Variants in ACOXL observed in about 807,000 individuals in gnomAD.
ACOXL encodes the protein acyl-coenzyme A oxidase-like protein.
Under a neutral mutation model 71.9 loss-of-function variants are expected in ACOXL, and 70 were observed. The ratio of observed to expected loss-of-function variants is 0.97; its 90% CI spans 0.80 to 1.19. ACOXL has a LOEUF of 1.19. Ranked by LOEUF, ACOXL falls within the 50% of genes most tolerant of loss-of-function variation. ACOXL has a pLI of 0.00. For missense variants in ACOXL, 703 were observed against 736.3 expected (o/e 0.95, Z 0.52); for synonymous variants, 253 against 281.6 (o/e 0.90, Z 1.02).
chr2:111,022,353 G>A lies in ACOXL; in HGVS notation c.1282-9274G>A, dbSNP rs144232821. Among the ~76,000 whole-genome samples, 373 of 151,708 alleles carry A rather than the reference G, an allele frequency of 2.5e-3. 7 individuals are homozygous for A. The East Asian group carries it at 0.047, about 19-fold the overall frequency. The stretch of plus-strand genomic sequence containing the variant: ...GCACTCCAGCCTAGGTGACAAGAGC[G>A]AAACTCCATATCAAAAAAAAGAAAA... On this transcript the variant is annotated intron_variant, in intron 14 of 17. Coordinates refer to ENST00000439055, the MANE Select transcript of ACOXL (RefSeq NM_001142807.4).
intron 2 of ACOXL, among the ~76,000 whole-genome samples, chr2:110,781,435 T>C (rs1347466980): frequency 6.7e-6 from 1 of 148,884 alleles, no homozygotes; most frequent in African/African-American, 2.5e-5. Context: ...AGGTCAGGAG[T>C]TTGAGACCAG....
At position 110,753,551 on chromosome 2, in the gene ACOXL, G is replaced by A. The variant is rs141643651; in HGVS notation, c.-22-14817G>A. On this transcript the variant is annotated intron_variant, in intron 1 of 17. Transcript: ENST00000439055. ...AATATATGTCATTTATTGTGTATCAGCAGTATGTTCCTTTTTATTGCTAAG... is the reference window on the plus strand; with the variant it reads ...AATATATGTCATTTATTGTGTATCAACAGTATGTTCCTTTTTATTGCTAAG... Among the ~76,000 whole-genome samples, 500 of 152,304 alleles carry A rather than the reference G, an allele frequency of 3.3e-3. 6 individuals are homozygous for A. The highest frequency in any genetic ancestry group is 0.011 in the African/African-American group (474 of 41,562).
intron 11 of ACOXL, among the ~76,000 whole-genome samples, chr2:110,919,573 T>A (rs2059990983): frequency 6.6e-6 from 1 of 150,910 alleles, no homozygotes; most frequent in African/African-American, 2.5e-5. Flanking sequence ...AAAATAAAAA[T>A]CACACTTTGT....
At chr2:110,798,769 A>G (rs181681814) in intron 6 of ACOXL, 45 bp downstream of exon 6, 14 of 1,551,668 alleles carry the variant, frequency 9.0e-6, no homozygotes, top group Non-Finnish European at 1.2e-5. Flanking sequence ...CTTCATTAGT[A>G]CTATTTACCA....
intron 14 of ACOXL, among the ~76,000 whole-genome samples, chr2:111,022,601 T>C (rs546466071): frequency 1.9e-4 from 29 of 152,198 alleles, no homozygotes; most frequent in African/African-American, 7.0e-4. Context: ...CAATGGCATC[T>C]GGAGGTGCTT....
intron 10 of ACOXL, among the ~76,000 whole-genome samples, chr2:110,906,233 A>T (rs1420559711): frequency 6.6e-6 from 1 of 152,030 alleles, no homozygotes; most frequent in Non-Finnish European, 1.5e-5. Flanking sequence ...TTTTGATGAG[A>T]TGCTGTTTAA....
At chr2:111,001,416 A>AC (rs58007048) in intron 14 of ACOXL, among the ~76,000 whole-genome samples, 6 of 148,064 alleles carry the variant, frequency 4.1e-5, no homozygotes, top group South Asian at 4.3e-4. Context: ...ACAAAACAAA[A>AC]AAACCCTAGC....
chr2:110,765,384 C>CT (rs1011188177), intron 1 of ACOXL, among the ~76,000 whole-genome samples: 56 of 151,862 alleles, frequency 3.7e-4, no homozygotes, highest in Non-Finnish European at 2.9e-4. Context: ...TCCAGTCTCT[C>CT]TTTTTTTTGC....
At chr2:111,054,804 T>G (rs1574620214) in intron 16 of ACOXL, among the ~76,000 whole-genome samples, 1 of 152,304 alleles carries the variant, frequency 6.6e-6, no homozygotes, top group East Asian at 1.9e-4. Context: ...TCCTCCATGC[T>G]TACTGAATAC....
chr2:111,056,874 C>T (rs534351309), intron 16 of ACOXL, among the ~76,000 whole-genome samples: 6 of 151,928 alleles, frequency 3.9e-5, no homozygotes, highest in East Asian at 3.9e-4. Flanking sequence ...GCTTTCTGGA[C>T]GCAGCTGGCA....
chr2:110,794,706 C>T (rs531164125), intron 5 of ACOXL, among the ~76,000 whole-genome samples: 4 of 152,340 alleles, frequency 2.6e-5, no homozygotes, highest in African/African-American at 9.6e-5. Context: ...TCTGACTCTT[C>T]TACCTTTACT....
chr2:110,855,568 T>C (rs17465162), intron 10 of ACOXL, among the ~76,000 whole-genome samples: 43,598 of 152,212 alleles, frequency 0.29, 6,650 homozygotes, highest in Non-Finnish European at 0.33. Context: ...TAAAAATATA[T>C]GATATGTACT....
chr2:111,018,131 C>T (rs1461840239), intron 14 of ACOXL: 4 of 152,172 alleles, frequency 2.6e-5, no homozygotes, highest in Non-Finnish European at 5.9e-5. Flanking sequence ...AAAAATGCTG[C>T]TTACCAGTTC....
At chr2:111,014,291 C>T (rs1490560414) in intron 14 of ACOXL, among the ~76,000 whole-genome samples, 2 of 152,162 alleles carry the variant, frequency 1.3e-5, no homozygotes, top group South Asian at 2.1e-4. Flanking sequence ...AACAGGGCTA[C>T]AGGACACAAA....
At chr2:111,040,838 G>A (rs1444578225) in intron 15 of ACOXL, among the ~76,000 whole-genome samples, 2 of 152,122 alleles carry the variant, frequency 1.3e-5, no homozygotes, top group South Asian at 2.1e-4. Context: ...GGGGTGTAGG[G>A]CCAATGTGAG....
At chr2:110,985,081 G>T (rs2062870060) in intron 12 of ACOXL, among the ~76,000 whole-genome samples, 1 of 152,170 alleles carries the variant, frequency 6.6e-6, no homozygotes, top group African/African-American at 2.4e-5. Context: ...GTGAGATAGA[G>T]TTACAGCCAT....
intron 16 of ACOXL, among the ~76,000 whole-genome samples, chr2:111,057,125 G>A (rs1421612541): frequency 6.6e-6 from 1 of 152,228 alleles, no homozygotes; most frequent in Non-Finnish European, 1.5e-5. Flanking sequence ...AGACTCCCCT[G>A]AGGAGGTGAT....
intron 10 of ACOXL, among the ~76,000 whole-genome samples, chr2:110,876,809 C>T (rs1558659251): frequency 6.6e-6 from 1 of 152,144 alleles, no homozygotes; most frequent in Non-Finnish European, 1.5e-5. Context: ...GGTGCCAAAC[C>T]CTGCTCTAGG....
At chr2:110,847,135 G>A (rs572611537) in intron 10 of ACOXL, among the ~76,000 whole-genome samples, 14 of 152,050 alleles carry the variant, frequency 9.2e-5, no homozygotes, top group African/African-American at 3.4e-4. Context: ...ACAGCTCTCG[G>A]GGCCCCATCA....
Sources: allele counts gnomAD v4.1 joint callset (sites outside exome capture counted in the v4.1 genomes callset), GRCh38; gene constraint gnomAD v4.1.1; transcripts MANE v1.5; gene names NCBI Gene and HGNC (gene_info 2026-07-23, HGNC 2026-07-21).